MAPK10: variants seen among roughly 807,000 people sequenced by gnomAD.
The protein encoded by MAPK10 is mitogen-activated protein kinase 10, also known as JNK3 alpha protein kinase.
In MAPK10, 25 loss-of-function variants were observed where a neutral mutation model predicts 59.3. The observed-to-expected ratio is 0.42, with a 90% confidence interval of 0.31 to 0.59. The LOEUF (loss-of-function observed/expected upper bound fraction) is 0.59. MAPK10 is among the 20% of genes least tolerant of loss of function. The probability of loss-of-function intolerance (pLI) is 0.15; values close to 1 mark genes in which losing one functional copy is unlikely to be tolerated. For missense variants in MAPK10, 351 were observed against 568.9 expected, an observed-to-expected ratio of 0.62 and a Z score of 3.90; for synonymous variants, 190 against 200.5, an observed-to-expected ratio of 0.95 and a Z score of 0.44.
chr4:86,439,466 T>C (rs1193071701), intron 1 of MAPK10, among the ~76,000 whole-genome samples: 1 of 152,252 alleles, frequency 6.6e-6, no homozygotes, highest in African/African-American at 2.4e-5. Flanking sequence ...ACTTTATGGA[T>C]GTACCACCAC....
At chr4:86,109,105 C>T (rs1358823274) in intron 4 of MAPK10, among the ~76,000 whole-genome samples, 2 of 152,160 alleles carry the variant, frequency 1.3e-5, no homozygotes, top group Non-Finnish European at 2.9e-5. Context: ...GCTAGTAACT[C>T]TCTCATTCAT....
At chr4:86,058,935 G>A (rs2045182741) in intron 11 of MAPK10, among the ~76,000 whole-genome samples, 1 of 152,034 alleles carries the variant, frequency 6.6e-6, no homozygotes, top group African/African-American at 2.4e-5. Context: ...ACTTCATCAT[G>A]GTTGCTGGTC....
At chr4:86,239,256 T>A (rs1213660978) in intron 2 of MAPK10, among the ~76,000 whole-genome samples, 2 of 152,228 alleles carry the variant, frequency 1.3e-5, no homozygotes, top group Non-Finnish European at 2.9e-5. Context: ...GCCAGTATTT[T>A]GTTGAGGATT....
intron 11 of MAPK10, among the ~76,000 whole-genome samples, chr4:86,057,101 C>A (rs1236560019): frequency 2.0e-5 from 3 of 148,974 alleles, no homozygotes; most frequent in Non-Finnish European, 4.5e-5. Flanking sequence ...GTACCTGGCA[C>A]TACAGGTGGC....
chr4:86,434,770 T>A (rs1748490176), intron 1 of MAPK10, among the ~76,000 whole-genome samples: 1 of 152,206 alleles, frequency 6.6e-6, no homozygotes, highest in Non-Finnish European at 1.5e-5. Flanking sequence ...AACTACCATA[T>A]GATGCAGCGG....
At chr4:86,045,963 G>T (rs2042409658) in intron 11 of MAPK10, among the ~76,000 whole-genome samples, 1 of 151,480 alleles carries the variant, frequency 6.6e-6, no homozygotes, top group Non-Finnish European at 1.5e-5. Context: ...TTAAAATTTG[G>T]AATACGTATC....
At chr4:86,330,734 A>T (rs2096132588) in intron 2 of MAPK10, among the ~76,000 whole-genome samples, 1 of 152,162 alleles carries the variant, frequency 6.6e-6, no homozygotes, top group Non-Finnish European at 1.5e-5. Context: ...TTTATAAATT[A>T]TCCAGCCTTG....
intron 13 of MAPK10, among the ~76,000 whole-genome samples, chr4:86,018,521 T>C (rs1380027798): frequency 2.6e-5 from 4 of 152,200 alleles, no homozygotes; most frequent in Non-Finnish European, 5.9e-5. Flanking sequence ...GTTGAAACCC[T>C]GAGAAGAAAC....
At chr4:86,504,663 T>TA (rs1343277531) in intron 1 of MAPK10, among the ~76,000 whole-genome samples, 1 of 152,152 alleles carries the variant, frequency 6.6e-6, no homozygotes, top group Non-Finnish European at 1.5e-5. Flanking sequence ...CCTTTGCTAA[T>TA]ATGTGTATCT....
chr4:86,126,881 C>A (rs1362518935), intron 4 of MAPK10, among the ~76,000 whole-genome samples: 1 of 151,970 alleles, frequency 6.6e-6, no homozygotes, highest in Admixed American at 6.6e-5. Context: ...TCCGTGATTT[C>A]CCCATATCCA....
intron 1 of MAPK10, among the ~76,000 whole-genome samples, chr4:86,367,689 CAT>C (rs921093021): frequency 7.3e-5 from 11 of 150,722 alleles, no homozygotes; most frequent in African/African-American, 2.2e-4. Flanking sequence ...TTTGGTGAAA[CAT>C]GTGCAGCTAG....
intron 9 of MAPK10, among the ~76,000 whole-genome samples, chr4:86,092,951 T>G (rs1271814499): frequency 6.6e-6 from 1 of 152,030 alleles, no homozygotes; most frequent in South Asian, 2.1e-4. Flanking sequence ...TCACTTTCCT[T>G]AGAAGAAATG....
At chr4:86,370,257 T>C (rs1417579756) in intron 1 of MAPK10, among the ~76,000 whole-genome samples, 1 of 152,168 alleles carries the variant, frequency 6.6e-6, no homozygotes, top group Non-Finnish European at 1.5e-5. Flanking sequence ...TATCTGCCAG[T>C]CTACACCTGA....
At chr4:86,361,174 A>T (rs1397921917), upstream of MAPK10, among the ~76,000 whole-genome samples, 1 of 152,232 alleles carries the variant, frequency 6.6e-6, no homozygotes, top group Admixed American at 6.5e-5. Flanking sequence ...GTAGACACTG[A>T]AACACATCAT....
chr4:86,240,229 CAG>C (rs1380213572), intron 2 of MAPK10, among the ~76,000 whole-genome samples: 2 of 152,144 alleles, frequency 1.3e-5, no homozygotes, highest in South Asian at 2.1e-4. Flanking sequence ...GTTATGATTT[CAG>C]TTCTTTTGCA....
intron 1 of MAPK10, among the ~76,000 whole-genome samples, chr4:86,439,257 C>T (rs1364771509): frequency 1.3e-5 from 2 of 152,208 alleles, no homozygotes; most frequent in East Asian, 3.9e-4. Flanking sequence ...TCATGGTGCA[C>T]CTTTAAAGTC....
chr4:86,023,236 T>C (rs1748281650), intron 13 of MAPK10, among the ~76,000 whole-genome samples: 1 of 152,218 alleles, frequency 6.6e-6, no homozygotes, highest in African/African-American at 2.4e-5. Flanking sequence ...CAGAAATCAA[T>C]TGATCATAAA....
At chr4:86,429,026 A>G (rs188826759) in intron 1 of MAPK10, among the ~76,000 whole-genome samples, 8 of 152,294 alleles carry the variant, frequency 5.3e-5, no homozygotes, top group Admixed American at 3.3e-4. Flanking sequence ...AAGAATCGCT[A>G]TATGTGAATA....
intron 1 of MAPK10, among the ~76,000 whole-genome samples, chr4:86,459,319 G>A (rs914491674): frequency 2.0e-5 from 3 of 152,126 alleles, no homozygotes; most frequent in Admixed American, 2.0e-4. Flanking sequence ...ACATAAACTA[G>A]TAAAACCACT....
Sources: allele counts gnomAD v4.1 joint callset (sites outside exome capture counted in the v4.1 genomes callset), GRCh38; gene constraint gnomAD v4.1.1; transcripts MANE v1.5; gene names NCBI Gene and HGNC (gene_info 2026-07-23, HGNC 2026-07-21).